The following PLA2G12A variants were observed in gnomAD, a reference collection of about 807,000 sequenced individuals.
PLA2G12A encodes the protein phospholipase A2 group XIIA.
PLA2G12A carries 11 observed loss-of-function variants against 16.0 expected under a neutral mutation model. The ratio of observed to expected loss-of-function variants is 0.69; its 90% CI spans 0.43 to 1.13. The LOEUF (loss-of-function observed/expected upper bound fraction) is 1.13, where lower values mean the gene tolerates loss of function less well. Among genes scored for constraint, PLA2G12A ranks in the 50% most tolerant of loss-of-function variants. The pLI, the probability that PLA2G12A is intolerant of heterozygous loss-of-function variation, is 0.00. For synonymous variants in PLA2G12A, 77 were observed against 93.8 expected, an observed-to-expected ratio of 0.82 and a Z score of 1.03; for missense variants, 214 against 237.3, an observed-to-expected ratio of 0.90 and a Z score of 0.65.
intron 3 of PLA2G12A, among the ~76,000 whole-genome samples, chr4:109,715,253 T>C (rs1387133743): frequency 1.3e-5 from 2 of 152,158 alleles, no homozygotes; most frequent in African/African-American, 2.4e-5. Context: ...GAAAAAATGT[T>C]TTATGTGCGG....
chr4:109,713,061 G>T lies in PLA2G12A; in HGVS notation c.*1316C>A, dbSNP rs546468294. On this transcript the variant is annotated 3_prime_UTR_variant, in exon 4 of 4. Coordinates refer to ENST00000243501, the MANE Select transcript of PLA2G12A (RefSeq NM_030821.5). Reference sequence around the variant, plus strand: ...CTTTTCCTTCTGCCCTGTTCTACCTGTAATGACTTACAAATAACCGCCTCT... The same window carrying T: ...CTTTTCCTTCTGCCCTGTTCTACCTTTAATGACTTACAAATAACCGCCTCT... The T allele has an allele frequency of 3.9e-5, 6 of 152,130 alleles. No homozygotes were observed. The highest frequency in any genetic ancestry group is 8.8e-5 in the Non-Finnish European group (6 of 68,030). The allele number at this position is 152,130 out of a possible 1,614,324, so 9.4% of individuals were successfully genotyped here.
rs1195602625 is a variant in PLA2G12A, at chr4:109,714,328, A to G, written c.*49T>C. 8.9e-7 allele frequency: 1 copy of G among 1,119,640 alleles called. No homozygotes were observed. The highest frequency in any genetic ancestry group is 1.3e-6 in the Non-Finnish European group (1 of 763,440). The allele number at this position is 1,119,640 out of a possible 1,614,324, so 69.4% of individuals were successfully genotyped here. On this transcript the variant is annotated 3_prime_UTR_variant, in exon 4 of 4. Transcript: ENST00000243501. ...GTTGTAAAAACATTAGTTATTTGTC[A>G]AAGGTATGTTCTTCCATCTTCATCT...
At position 109,711,345 on chromosome 4, in the gene PLA2G12A, C is replaced by T. The variant is rs1730724840; in HGVS notation, c.*3032G>A. 6.6e-6 allele frequency: 1 copy of T among 152,138 alleles called. No individual in the cohort carries two copies. Among genetic ancestry groups the T allele is most frequent in the African/African-American group, 2.4e-5 (1 of 41,416 alleles). The allele number at this position is 152,138 out of a possible 1,614,324, so 9.4% of individuals were successfully genotyped here. ...TTGGTTTCTAAGTATGATTCTCCAA[C>T]AAAAGGAACCAGGGCTCTTTGGAGC... On this transcript the variant is annotated 3_prime_UTR_variant, in exon 4 of 4. Coordinates refer to ENST00000243501, the MANE Select transcript of PLA2G12A (RefSeq NM_030821.5).
At position 109,714,216 on chromosome 4, in the gene PLA2G12A, CT is replaced by C; in HGVS notation, c.*160del. 7 of 651,592 alleles carry C rather than the reference CT, an allele frequency of 1.1e-5. No homozygotes were observed. Among genetic ancestry groups the C allele is most frequent in the South Asian group, 5.5e-5 (3 of 54,274 alleles). 40.4% of individuals were successfully genotyped at this position (651,592 alleles called of 1,614,324 possible). A position where few individuals can be genotyped will look rare whatever the true frequency, so the allele number is the denominator to read the frequency against. On this transcript the variant is annotated 3_prime_UTR_variant, in exon 4 of 4. Transcript: ENST00000243501. ...TGCCCTCCCCTCACTATCTCCCTCA[CT>C]TTTTTTGCTTTGAGGTTTTAACATC...
At chr4:109,729,099 C>A (rs984406441) in intron 1 of PLA2G12A, among the ~76,000 whole-genome samples, 1 of 152,110 alleles carries the variant, frequency 6.6e-6, no homozygotes, top group Non-Finnish European at 1.5e-5. Context: ...CACTCGAGTA[C>A]ACCAAAAGTC....
chr4:109,719,287 C>A (rs967090583), intron 1 of PLA2G12A, among the ~76,000 whole-genome samples: 2 of 152,150 alleles, frequency 1.3e-5, no homozygotes, highest in Admixed American at 1.3e-4. Context: ...GATGATCATT[C>A]AATAACCTTA....
rs533869704 is a variant in PLA2G12A, at chr4:109,722,408, A to G, written c.209-3649T>C. 5.3e-5 allele frequency among the ~76,000 whole-genome samples: 8 copies of G among 152,330 alleles called. No homozygotes were observed. The South Asian group carries it at 1.7e-3, about 32-fold the overall frequency. On this transcript the variant is annotated intron_variant, in intron 1 of 3. Transcript: ENST00000243501. ...GAAACCTAATCACCAATGTGATGGT[A>G]TTAGAAGGTGGGACTATTGGAGGTG... is the stretch of plus-strand genomic sequence containing the variant.
intron 1 of PLA2G12A, among the ~76,000 whole-genome samples, chr4:109,723,925 GT>G (rs1722867879): frequency 6.6e-6 from 1 of 152,160 alleles, no homozygotes; most frequent in African/African-American, 2.4e-5. Context: ...CATATTGAGT[GT>G]GTCATTTGAA....
Position 109,730,043 on chromosome 4 carries a change from C to G in PLA2G12A, c.-234G>C. On this transcript the variant is annotated 5_prime_UTR_variant, in exon 1 of 4. Transcript: ENST00000243501. ...GCTCACCTGGACCAGCGCGCCCGCT[C>G]ACCTGGGCCAGCAACCGTCCCCTGT... 1 of 459,228 alleles carries G rather than the reference C, an allele frequency of 2.2e-6. No individual in the cohort carries two copies. The highest frequency in any genetic ancestry group is 3.8e-6 in the Non-Finnish European group (1 of 262,282). 28.4% of individuals were successfully genotyped at this position (459,228 alleles called of 1,614,324 possible). A position where few individuals can be genotyped will look rare whatever the true frequency, so the allele number is the denominator to read the frequency against.
rs2285715 is a variant in PLA2G12A at position 109,717,887 on chromosome 4, C to T, written c.286-174G>A. ...TTATAAATCTCCCCATTACACTTAC[C>T]CATACCCACCCATGTTACTCTCTCA... On this transcript the variant is annotated intron_variant, in intron 2 of 3. Coordinates refer to ENST00000243501, the MANE Select transcript of PLA2G12A (RefSeq NM_030821.5). Among the ~76,000 whole-genome samples the T allele has an allele frequency of 6.5e-4, 99 of 152,280 alleles. 3 individuals are homozygous for T. The East Asian group carries it at 0.019, about 29-fold the overall frequency.
chr4:109,724,326 T>C (rs758176023), intron 1 of PLA2G12A, among the ~76,000 whole-genome samples: 1 of 152,126 alleles, frequency 6.6e-6, no homozygotes, highest in African/African-American at 2.4e-5. Context: ...AGTTTCTCCG[T>C]GTTGGTCAGG....
At position 109,711,655 on chromosome 4, in the gene PLA2G12A, A is replaced by T. The variant is rs763664336; in HGVS notation, c.*2722T>A. ...AAATTTTCCATATAGAAAAATTCCA[A>T]ATACTACATATGGATATTCCCACTT... On this transcript the variant is annotated 3_prime_UTR_variant, in exon 4 of 4. Coordinates refer to ENST00000243501, the MANE Select transcript of PLA2G12A (RefSeq NM_030821.5). 1.3e-5 allele frequency: 2 copies of T among 152,212 alleles called. No homozygotes were observed. The highest frequency in any genetic ancestry group is 4.8e-5 in the African/African-American group (2 of 41,444). The allele number at this position is 152,212 out of a possible 1,614,324, so 9.4% of individuals were successfully genotyped here.
chr4:109,729,943 C>T lies in PLA2G12A; in HGVS notation c.-134G>A, dbSNP rs980844357. On this transcript the variant is annotated 5_prime_UTR_variant, in exon 1 of 4. Coordinates refer to ENST00000243501, the MANE Select transcript of PLA2G12A (RefSeq NM_030821.5). ...CCAGCTCCATATCCACGCCTCCTTC[C>T]CGGCTGGCCCTCAGGATCTCGCTGT... 9.6e-5 allele frequency: 68 copies of T among 706,232 alleles called. No homozygotes were observed. The highest frequency in any genetic ancestry group is 1.4e-4 in the Non-Finnish European group (63 of 453,420). 43.7% of individuals were successfully genotyped at this position (706,232 alleles called of 1,614,324 possible).
chr4:109,720,592 AAAAAAAAAAAAAATATATATATATATAT>A (rs1730911888), intron 1 of PLA2G12A, among the ~76,000 whole-genome samples: 1 of 31,842 alleles, frequency 3.1e-5, no homozygotes, highest in Non-Finnish European at 6.2e-5. Flanking sequence ...AAAAAAAAAA[AAAAAAAAAAAAAATATATATATATATAT>A]ATATATATAT....
At chr4:109,729,279 C>G (rs1722998738) in intron 1 of PLA2G12A, among the ~76,000 whole-genome samples, 1 of 151,906 alleles carries the variant, frequency 6.6e-6, no homozygotes, top group South Asian at 2.1e-4. Flanking sequence ...CCACTCTATT[C>G]CCATGATTCC....
intron 1 of PLA2G12A, among the ~76,000 whole-genome samples, chr4:109,728,001 CAG>C (rs1382257256): frequency 1.3e-5 from 2 of 152,210 alleles, no homozygotes; most frequent in African/African-American, 2.4e-5. Context: ...CCAAAACCTT[CAG>C]AGTCATCCTT....
rs765164735 is a variant in PLA2G12A at position 109,718,773 on chromosome 4, T to C, written c.209-14A>G. Reference sequence around the variant, plus strand: ...AAGGCTTAGATCCTATAAAATATAATGGTATCATAATTAATTTTCAAATAT... The same window carrying C: ...AAGGCTTAGATCCTATAAAATATAACGGTATCATAATTAATTTTCAAATAT... On this transcript the variant is annotated splice_polypyrimidine_tract_variant and intron_variant, in intron 1 of 3. Coordinates refer to ENST00000243501, the MANE Select transcript of PLA2G12A (RefSeq NM_030821.5). 3 of 1,515,136 alleles carry C rather than the reference T, an allele frequency of 2.0e-6. No homozygotes were observed. Among genetic ancestry groups the C allele is most frequent in the Non-Finnish European group, 2.7e-6 (3 of 1,115,620 alleles). 93.9% of individuals were successfully genotyped at this position (1,515,136 alleles called of 1,614,324 possible).
At position 109,713,307 on chromosome 4, in the gene PLA2G12A, T is replaced by A. The variant is rs1302521621; in HGVS notation, c.*1070A>T. 1.3e-5 allele frequency: 2 copies of A among 152,202 alleles called. No individual in the cohort carries two copies. The highest frequency in any genetic ancestry group is 2.9e-5 in the Non-Finnish European group (2 of 68,040). The allele number at this position is 152,202 out of a possible 1,614,324, so 9.4% of individuals were successfully genotyped here. A position where few individuals can be genotyped will look rare whatever the true frequency, so the allele number is the denominator to read the frequency against. On this transcript the variant is annotated 3_prime_UTR_variant, in exon 4 of 4. Coordinates refer to ENST00000243501, the MANE Select transcript of PLA2G12A (RefSeq NM_030821.5). ...CAGAAGCTGTTGAAGTTTTCTTGGA[T>A]TTGCTCTAAACATATGGTAATAATT...
chr4:109,729,985 T>TA lies in PLA2G12A; in HGVS notation c.-177_-176insT. 1.7e-6 allele frequency: 1 copy of TA among 574,176 alleles called. No homozygotes were observed. The highest frequency in any genetic ancestry group is 2.4e-5 in the South Asian group (1 of 41,724). The allele number at this position is 574,176 out of a possible 1,614,324, so 35.6% of individuals were successfully genotyped here. ...TCTCGCTGTCTTTACGTGAACCGCC[T>TA]CGGGCAGGCAGCGCCGTCGCGGGGA... On this transcript the variant is annotated 5_prime_UTR_variant, in exon 1 of 4. Coordinates refer to ENST00000243501, the MANE Select transcript of PLA2G12A (RefSeq NM_030821.5).
Sources: allele counts gnomAD v4.1 joint callset (sites outside exome capture counted in the v4.1 genomes callset), GRCh38; gene constraint gnomAD v4.1.1; transcripts MANE v1.5; gene names NCBI Gene and HGNC (gene_info 2026-07-23, HGNC 2026-07-21).